The following PSD3 variants were observed in gnomAD, a reference collection of about 807,000 sequenced individuals.
The protein encoded by PSD3 is pleckstrin and Sec7 domain containing 3.
In PSD3, 49 loss-of-function variants were observed where a neutral mutation model predicts 105.5. That is an observed-to-expected ratio of 0.46 (90% CI 0.37 to 0.59). The LOEUF is 0.59. Ranked by LOEUF, PSD3 falls within the 20% of genes least tolerant of loss-of-function variation. The probability of loss-of-function intolerance (pLI) is 0.00; values close to 1 mark genes in which losing one functional copy is unlikely to be tolerated. For missense variants in PSD3, 1,561 were observed against 1,263.8 expected, an observed-to-expected ratio of 1.24 and a Z score of -3.57; for synonymous variants, 557 against 457.8, an observed-to-expected ratio of 1.22 and a Z score of -2.77.
chr8:18,843,615 C>A (rs929486077), intron 4 of PSD3, among the ~76,000 whole-genome samples: 1 of 152,126 alleles, frequency 6.6e-6, no homozygotes, highest in Admixed American at 6.5e-5. Flanking sequence ...ACCCCTGACC[C>A]AAGGGCATCA....
At chr8:18,927,235 A>C (rs1821431719) in intron 2 of PSD3, among the ~76,000 whole-genome samples, 1 of 151,884 alleles carries the variant, frequency 6.6e-6, no homozygotes, top group Non-Finnish European at 1.5e-5. Context: ...TTTTTCTGAG[A>C]CAGAGTGTCA....
chr8:18,664,802 C>G (rs1799349343), intron 9 of PSD3, among the ~76,000 whole-genome samples: 1 of 152,210 alleles, frequency 6.6e-6, no homozygotes, highest in African/African-American at 2.4e-5. Context: ...AGCTGGTGAC[C>G]TTAAGCTGAA....
intron 1 of PSD3, among the ~76,000 whole-genome samples, chr8:19,038,121 G>T (rs986656872): frequency 6.6e-6 from 1 of 151,954 alleles, no homozygotes; most frequent in Non-Finnish European, 1.5e-5. Flanking sequence ...TATCACCTCA[G>T]ATTGTTGTAA....
At position 18,572,638 on chromosome 8, in the gene PSD3, T is replaced by C. The variant is rs1296452364; in HGVS notation, c.2674A>G (p.Ile892Val). Residue 892 changes from isoleucine to valine, a missense_variant, in exon 14 of 16, where the codon ATC becomes GTC. By Grantham distance (29) the Ile-to-Val change is conservative (BLOSUM62 3). Coordinates refer to ENST00000327040, the MANE Select transcript of PSD3 (RefSeq NM_015310.4). ...PEEMQGWINK[I>V]NCVAAVFSAP... ...GAAAATACAGCTGCCACACAATTGA[T>C]TTTGTTTATCCACCCTTGCATTTCC... is the stretch of plus-strand genomic sequence containing the variant. 1.2e-6 allele frequency: 2 copies of C among 1,613,966 alleles called. No homozygotes were observed. Among genetic ancestry groups the C allele is most frequent in the African/African-American group, 1.3e-5 (1 of 74,922 alleles).
intron 4 of PSD3, among the ~76,000 whole-genome samples, chr8:18,833,166 G>A (rs373288815): frequency 5.9e-5 from 9 of 152,310 alleles, no homozygotes; most frequent in East Asian, 1.9e-4. Context: ...AAGTGACAGC[G>A]AAACTGACAC....
chr8:18,682,564 A>G (rs555803269), intron 9 of PSD3, among the ~76,000 whole-genome samples: 1 of 152,160 alleles, frequency 6.6e-6, no homozygotes, highest in Non-Finnish European at 1.5e-5. Context: ...AACAGTGAGG[A>G]GTAAAAAGCC....
intron 9 of PSD3, among the ~76,000 whole-genome samples, chr8:18,693,339 C>T (rs963478867): frequency 1.7e-4 from 26 of 152,280 alleles, no homozygotes; most frequent in Middle Eastern, 3.4e-3. Flanking sequence ...GCACATAAGG[C>T]GGCAGCAAAG....
chr8:19,072,574 T>A (rs183414623), intron 1 of PSD3, among the ~76,000 whole-genome samples: 181 of 152,236 alleles, frequency 1.2e-3, no homozygotes, highest in African/African-American at 4.0e-3. Flanking sequence ...GTAAGAAAAA[T>A]CATTTCTATT....
chr8:18,916,239 G>A (rs1316492335), intron 2 of PSD3, among the ~76,000 whole-genome samples: 2 of 147,162 alleles, frequency 1.4e-5, no homozygotes, highest in African/African-American at 5.0e-5. Context: ...ATTCACAAGA[G>A]CCAAGATATG....
At chr8:18,551,992 G>A (rs1028486885) in intron 15 of PSD3, among the ~76,000 whole-genome samples, 1 of 152,164 alleles carries the variant, frequency 6.6e-6, no homozygotes, top group Non-Finnish European at 1.5e-5. Context: ...ATTAATAACA[G>A]GCAATGGTGA....
intron 11 of PSD3, among the ~76,000 whole-genome samples, chr8:18,602,099 T>C (rs142394810): frequency 2.4e-4 from 37 of 152,320 alleles, no homozygotes; most frequent in Middle Eastern, 3.4e-3. Context: ...GGAGAAAATA[T>C]TTTTGTTTTT....
intron 4 of PSD3, among the ~76,000 whole-genome samples, chr8:18,839,651 G>A (rs544709531): frequency 6.6e-6 from 1 of 152,260 alleles, no homozygotes; most frequent in Middle Eastern, 3.4e-3. Context: ...AGAAGGTTTT[G>A]CAGCTCCAGT....
chr8:18,749,584 T>C (rs1805306596), intron 9 of PSD3, among the ~76,000 whole-genome samples: 2 of 152,134 alleles, frequency 1.3e-5, no homozygotes, highest in South Asian at 2.1e-4. Flanking sequence ...TAGAGGGAGA[T>C]TATTCTGGAT....
At chr8:18,988,395 C>T (rs1395243924) in intron 1 of PSD3, among the ~76,000 whole-genome samples, 1 of 152,090 alleles carries the variant, frequency 6.6e-6, no homozygotes, top group Non-Finnish European at 1.5e-5. Flanking sequence ...ATGAGACAAA[C>T]AAATCTCTAA....
At chr8:18,609,103 T>C (rs749708474) in intron 11 of PSD3, among the ~76,000 whole-genome samples, 5 of 152,208 alleles carry the variant, frequency 3.3e-5, no homozygotes, top group Non-Finnish European at 7.4e-5. Context: ...TTTAACATAT[T>C]AATCTTTACT....
chr8:19,067,186 C>T (rs975304776), intron 1 of PSD3, among the ~76,000 whole-genome samples: 3 of 152,114 alleles, frequency 2.0e-5, no homozygotes, highest in East Asian at 1.9e-4. Context: ...GCTGTGCCTT[C>T]GTTTGTGAGA....
chr8:18,858,321 C>A (rs1035558973), intron 4 of PSD3, among the ~76,000 whole-genome samples: 2 of 152,170 alleles, frequency 1.3e-5, no homozygotes, highest in Non-Finnish European at 2.9e-5. Context: ...CTAAAAAATG[C>A]TAATGATCAT....
intron 2 of PSD3, among the ~76,000 whole-genome samples, chr8:18,904,267 G>A (rs992587146): frequency 3.3e-5 from 5 of 152,146 alleles, no homozygotes; most frequent in African/African-American, 1.2e-4. Flanking sequence ...ACCTCAGGGA[G>A]GCACCAAGCC....
At chr8:18,574,680 C>G (rs1802365304) in intron 13 of PSD3, among the ~76,000 whole-genome samples, 1 of 152,172 alleles carries the variant, frequency 6.6e-6, no homozygotes, top group African/African-American at 2.4e-5. Flanking sequence ...AGGTATTATA[C>G]ACACTTATCT....
Sources: gnomAD v4.1 joint callset for allele counts (sites outside exome capture counted in the v4.1 genomes callset) on GRCh38, gnomAD v4.1.1 for gene constraint, MANE v1.5 for transcripts, NCBI Gene and HGNC (gene_info 2026-07-23, HGNC 2026-07-21) for gene names.